PRKG1: variants seen among roughly 807,000 people sequenced by gnomAD.
PRKG1 encodes cGMP-dependent protein kinase 1.
In PRKG1, 35 loss-of-function variants were observed where a neutral mutation model predicts 88.1. The ratio of observed to expected loss-of-function variants is 0.40; its 90% confidence interval spans 0.30 to 0.53. The LOEUF (loss-of-function observed/expected upper bound fraction) is 0.53. Among genes scored for constraint, PRKG1 ranks in the 20% least tolerant of loss-of-function variants. The pLI, the probability that PRKG1 is intolerant of heterozygous loss-of-function variation, is 0.59. For missense variants in PRKG1, 540 were observed against 839.8 expected (o/e 0.64, Z 4.41); for synonymous variants, 303 against 292.5 (o/e 1.04, Z -0.37).
chr10:51,598,651 A>T (rs1046100959), intron 3 of PRKG1, among the ~76,000 whole-genome samples: 2 of 152,208 alleles, frequency 1.3e-5, no homozygotes, highest in African/African-American at 4.8e-5. Flanking sequence ...GGTTTTAGTA[A>T]AATATTCAGT....
chr10:51,298,066 T>C (rs575510357), intron 2 of PRKG1, among the ~76,000 whole-genome samples: 2 of 152,278 alleles, frequency 1.3e-5, no homozygotes, highest in East Asian at 3.9e-4. Flanking sequence ...AAGCACTTAC[T>C]ATATTAGGCC....
intron 3 of PRKG1, among the ~76,000 whole-genome samples, chr10:51,659,655 A>G (rs753140705): frequency 6.6e-6 from 1 of 152,114 alleles, no homozygotes; most frequent in Non-Finnish European, 1.5e-5. Flanking sequence ...CTTGTAGTCA[A>G]CAAGGCAGAT....
At chr10:51,125,234 G>A (rs1845366449) in intron 1 of PRKG1, among the ~76,000 whole-genome samples, 1 of 151,938 alleles carries the variant, frequency 6.6e-6, no homozygotes, top group Admixed American at 6.6e-5. Context: ...TGAGGTGGGA[G>A]GATCACTTGA....
At chr10:51,825,609 G>A (rs1006323149) in intron 4 of PRKG1, among the ~76,000 whole-genome samples, 4 of 152,124 alleles carry the variant, frequency 2.6e-5, no homozygotes, top group African/African-American at 9.7e-5. Flanking sequence ...GCCTACAACA[G>A]CTGCCTGACA....
intron 2 of PRKG1, among the ~76,000 whole-genome samples, chr10:51,332,421 A>G (rs1344482658): frequency 6.6e-6 from 1 of 152,176 alleles, no homozygotes. Flanking sequence ...AAAAAATCAC[A>G]CTGAGGAAGG....
At chr10:51,035,445 G>A (rs373010629) in intron 1 of PRKG1, among the ~76,000 whole-genome samples, 15 of 152,110 alleles carry the variant, frequency 9.9e-5, no homozygotes, top group East Asian at 3.9e-4. Flanking sequence ...TTGTGGTCTC[G>A]GTTGTAGTGT....
chr10:51,533,162 G>T (rs1464726713), intron 3 of PRKG1, among the ~76,000 whole-genome samples: 1 of 152,164 alleles, frequency 6.6e-6, no homozygotes, highest in Non-Finnish European at 1.5e-5. Flanking sequence ...GCAATGGAAA[G>T]TTAATCAGTA....
intron 3 of PRKG1, among the ~76,000 whole-genome samples, chr10:51,720,088 C>G (rs907132043): frequency 6.6e-6 from 1 of 151,798 alleles, no homozygotes; most frequent in African/African-American, 2.4e-5. Context: ...GAGAGAGGGG[C>G]GGGAAAAGAG....
chr10:51,792,946 G>A (rs1838906363), intron 3 of PRKG1, among the ~76,000 whole-genome samples: 1 of 151,918 alleles, frequency 6.6e-6, no homozygotes, highest in African/African-American at 2.4e-5. Flanking sequence ...TCTGTAAAGA[G>A]TAAAATAAGT....
At chr10:51,236,065 A>G (rs1838980009) in intron 2 of PRKG1, among the ~76,000 whole-genome samples, 2 of 152,198 alleles carry the variant, frequency 1.3e-5, no homozygotes, top group African/African-American at 2.4e-5. Context: ...AAGATCCCAG[A>G]TGGTACTGAT....
At chr10:52,187,581 A>G (rs532653216) in intron 9 of PRKG1, among the ~76,000 whole-genome samples, 1 of 152,338 alleles carries the variant, frequency 6.6e-6, no homozygotes, top group South Asian at 2.1e-4. Flanking sequence ...GCATTTTTAC[A>G]TTACAAGTTC....
chr10:51,343,486 A>G (rs571351532), intron 2 of PRKG1, among the ~76,000 whole-genome samples: 6 of 152,342 alleles, frequency 3.9e-5, no homozygotes, highest in African/African-American at 1.4e-4. Flanking sequence ...TTTTAAAAAC[A>G]CAGTGATAGG....
chr10:51,930,224 T>C (rs1842660338), intron 5 of PRKG1, among the ~76,000 whole-genome samples: 1 of 152,158 alleles, frequency 6.6e-6, no homozygotes, highest in Non-Finnish European at 1.5e-5. Context: ...GTGTTTGAGA[T>C]GGAGTGGGGG....
In PRKG1 at chr10:51,394,178, G is replaced by A. The variant is rs185048609; in HGVS notation, c.479-73545G>A. Among the ~76,000 whole-genome samples, 8 of 152,330 alleles carry A rather than the reference G, an allele frequency of 5.3e-5. No individual in the cohort carries two copies. In the East Asian group the frequency reaches 1.5e-3, roughly 29 times the overall value. ...CTTTATTATCTTTCACAGTCTGTGG[G>A]CTGGTTAGACCTAGCTAGGGTGAGT... On this transcript the variant is annotated intron_variant, in intron 2 of 17. Coordinates refer to ENST00000373980, the MANE Select transcript of PRKG1 (RefSeq NM_006258.4).
chr10:51,149,600 A>G (rs1342952455), intron 1 of PRKG1, among the ~76,000 whole-genome samples: 1 of 152,132 alleles, frequency 6.6e-6, no homozygotes, highest in Non-Finnish European at 1.5e-5. Flanking sequence ...ATATTATACC[A>G]CCTCATGAAA....
At chr10:52,092,439 C>T (rs61849906) in intron 7 of PRKG1, among the ~76,000 whole-genome samples, 1 of 152,066 alleles carries the variant, frequency 6.6e-6, no homozygotes, top group Non-Finnish European at 1.5e-5. Context: ...AAAAAAACCC[C>T]AGTTCTGACA....
chr10:51,937,516 C>T lies in PRKG1; in HGVS notation c.762+29946C>T, dbSNP rs182261022. Among the ~76,000 whole-genome samples the T allele has an allele frequency of 4.6e-5, 7 of 152,092 alleles. No individual in the cohort carries two copies. In the South Asian group the frequency reaches 6.2e-4, roughly 14 times the overall value. On this transcript the variant is annotated intron_variant, in intron 5 of 17. Transcript: ENST00000373980. The stretch of plus-strand genomic sequence containing the variant: ...GTCTTTGGTTAGTCTGAATTCTTTT[C>T]GTTCCAGTCTGACTTAAGAAATCAG...
Position 51,862,040 on chromosome 10 carries a change from A to G in PRKG1, c.699-45467A>G, listed in dbSNP as rs1840887301. ...ACCCACAAACTACCAGCAACCACGG[A>G]GTCCCAAAGGGTGTTACAGCCCTTG... On this transcript the variant is annotated intron_variant, in intron 4 of 17. Coordinates refer to ENST00000373980, the MANE Select transcript of PRKG1 (RefSeq NM_006258.4). 3.3e-5 allele frequency among the ~76,000 whole-genome samples: 5 copies of G among 152,308 alleles called. No individual in the cohort carries two copies. The South Asian group carries it at 8.3e-4, about 25-fold the overall frequency.
chr10:51,856,870 A>G (rs748061037), intron 4 of PRKG1, among the ~76,000 whole-genome samples: 88 of 150,970 alleles, frequency 5.8e-4, no homozygotes, highest in Non-Finnish European at 9.0e-4. Context: ...AGGCTGAGGC[A>G]GGAGAATGGA....
Sources: gnomAD v4.1 joint callset for allele counts (sites outside exome capture counted in the v4.1 genomes callset) on GRCh38, gnomAD v4.1.1 for gene constraint, MANE v1.5 for transcripts, NCBI Gene and HGNC (gene_info 2026-07-23, HGNC 2026-07-21) for gene names.